NAA16: variants seen among roughly 807,000 people sequenced by gnomAD.
NAA16 encodes the protein N-alpha-acetyltransferase 16, NatA auxiliary subunit.
Under a neutral mutation model 110.3 loss-of-function variants are expected in NAA16, and 97 were observed. That is an observed-to-expected ratio of 0.88 (90% CI 0.75 to 1.04). The LOEUF is 1.04. Among genes scored for constraint, NAA16 ranks in the 50% least tolerant of loss-of-function variants. The pLI, the probability that NAA16 is intolerant of heterozygous loss-of-function variation, is 0.00. For missense variants in NAA16, 1,017 were observed against 1,005.1 expected, an observed-to-expected ratio of 1.01 and a Z score of -0.16; for synonymous variants, 372 against 330.6, an observed-to-expected ratio of 1.13 and a Z score of -1.36.
In NAA16 at chr13:41,372,331, C is replaced by T. The variant is rs368632453; in HGVS notation, c.2056+20C>T. The T allele has an allele frequency of 1.7e-5, 26 of 1,553,694 alleles. No individual in the cohort carries two copies. The highest frequency in any genetic ancestry group is 2.3e-5 in the Non-Finnish European group (26 of 1,153,572). The stretch of plus-strand genomic sequence containing the variant: ...GAAAAGGTAATAAATAGTTTGAGTT[C>T]AGTTTTTAATCTTTAATTATATTTG... On this transcript the variant is annotated intron_variant, in intron 16 of 19. Transcript: ENST00000379406.
intron 7 of NAA16, among the ~76,000 whole-genome samples, chr13:41,330,445 A>G (rs916400563): frequency 1.2e-4 from 18 of 152,056 alleles, no homozygotes; most frequent in African/African-American, 4.3e-4. Context: ...TGTGGTTTAG[A>G]CCACAGAATT....
intron 5 of NAA16, among the ~76,000 whole-genome samples, chr13:41,324,549 T>G (rs1784704502): frequency 6.6e-6 from 1 of 151,762 alleles, no homozygotes; most frequent in South Asian, 2.1e-4. Context: ...CTAAGTTTTG[T>G]ATTTTTAGTA....
At chr13:41,339,100 C>T (rs1429946040) in intron 9 of NAA16, among the ~76,000 whole-genome samples, 1 of 141,188 alleles carries the variant, frequency 7.1e-6, no homozygotes, top group Admixed American at 7.3e-5. Flanking sequence ...AGTACAGTTG[C>T]AAGAAATGTA....
chr13:41,354,179 T>G (rs1395484234), intron 9 of NAA16, among the ~76,000 whole-genome samples: 1 of 152,222 alleles, frequency 6.6e-6, no homozygotes. Context: ...TGCAGCATCA[T>G]GTGAGAAAGC....
intron 15 of NAA16, 78 bp downstream of exon 15, chr13:41,369,361 A>G (rs2043271439): frequency 2.4e-6 from 3 of 1,262,518 alleles, no homozygotes; most frequent in Non-Finnish European, 3.2e-6. Flanking sequence ...AACATGATTT[A>G]TTTAAATCTG....
chr13:41,361,117 C>G (rs916871157), intron 12 of NAA16, among the ~76,000 whole-genome samples: 5 of 152,228 alleles, frequency 3.3e-5, no homozygotes, highest in African/African-American at 1.2e-4. Context: ...AATGTCTCTT[C>G]TAAACTGTGA....
At chr13:41,317,499 A>G (rs981537874) in intron 2 of NAA16, among the ~76,000 whole-genome samples, 5 of 152,232 alleles carry the variant, frequency 3.3e-5, no homozygotes, top group Admixed American at 6.5e-5. Flanking sequence ...GGATCAGGAT[A>G]GACATGAAAA....
At chr13:41,335,859 GT>G (rs66771949) in intron 8 of NAA16, among the ~76,000 whole-genome samples, 124,770 of 146,516 alleles carry the variant, frequency 0.85, 53,316 homozygotes, top group African/African-American at 0.93. Context: ...ACATACATGT[GT>G]TTTTTTTTTT....
chr13:41,375,864 T>C lies in NAA16; in HGVS notation c.*262T>C. 1 of 302,922 alleles carries C rather than the reference T, an allele frequency of 3.3e-6. No homozygotes were observed. The highest frequency in any genetic ancestry group is 6.0e-6 in the Non-Finnish European group (1 of 165,856). The allele number at this position is 302,922 out of a possible 1,614,324, so 18.8% of individuals were successfully genotyped here. A position where few individuals can be genotyped will look rare whatever the true frequency, so the allele number is the denominator to read the frequency against. On this transcript the variant is annotated 3_prime_UTR_variant, in exon 20 of 20. Coordinates refer to ENST00000379406, the MANE Select transcript of NAA16 (RefSeq NM_024561.5). ...TATAATTTCTTACTAAGCTAAGTTGTATACAACCCCACTGTATTATTTTCT... is the reference window on the plus strand; with the variant it reads ...TATAATTTCTTACTAAGCTAAGTTGCATACAACCCCACTGTATTATTTTCT...
chr13:41,370,930 A>C (rs181684042), intron 15 of NAA16, among the ~76,000 whole-genome samples: 1 of 152,226 alleles, frequency 6.6e-6, no homozygotes, highest in East Asian at 1.9e-4. Context: ...GTTAACAGAA[A>C]AAGCCTTGAA....
intron 9 of NAA16, among the ~76,000 whole-genome samples, chr13:41,337,637 T>C (rs2042417312): frequency 6.6e-6 from 1 of 152,146 alleles, no homozygotes; most frequent in African/African-American, 2.4e-5. Context: ...GTTATACTTT[T>C]ATTTCCAAGT....
At chr13:41,357,104 T>C (rs1487993951) in intron 10 of NAA16, among the ~76,000 whole-genome samples, 2 of 152,192 alleles carry the variant, frequency 1.3e-5, no homozygotes, top group East Asian at 1.9e-4. Flanking sequence ...AAAGATCTCT[T>C]GAAGCCAGGA....
At chr13:41,362,908 G>A in intron 13 of NAA16, 1 of 1,144,054 alleles carries the variant, frequency 8.7e-7, no homozygotes, top group African/African-American at 1.6e-5. Context: ...CAGTCACTTT[G>A]GCCTTTTTCC....
intron 17 of NAA16, 78 bp from the exon 18 acceptor site, chr13:41,373,559 T>A (rs2043365245): frequency 1.4e-6 from 2 of 1,453,672 alleles, no homozygotes; most frequent in East Asian, 5.1e-5. Flanking sequence ...CGCCCAGCCA[T>A]AAAGGGTTTT....
chr13:41,311,275 C>T lies in NAA16; in HGVS notation c.-254C>T, dbSNP rs1165562241. On this transcript the variant is annotated 5_prime_UTR_variant, in exon 1 of 20. Coordinates refer to ENST00000379406, the MANE Select transcript of NAA16 (RefSeq NM_024561.5). ...ACCCTGGCTGCCATCTTGCAGTGCG[C>T]GGGAACCGCCGCCGCCGCCGCTGGC... The T allele has an allele frequency of 5.4e-6, 3 of 553,262 alleles. No individual in the cohort carries two copies. Among genetic ancestry groups the T allele is most frequent in the Non-Finnish European group, 9.5e-6 (3 of 316,626 alleles). The allele number at this position is 553,262 out of a possible 1,614,324, so 34.3% of individuals were successfully genotyped here.
At chr13:41,365,113 A>G (rs566429068) in intron 13 of NAA16, among the ~76,000 whole-genome samples, 1 of 152,268 alleles carries the variant, frequency 6.6e-6, no homozygotes, top group East Asian at 1.9e-4. Flanking sequence ...GATTTTTGTC[A>G]TGCTCTTCAT....
intron 9 of NAA16, among the ~76,000 whole-genome samples, chr13:41,348,985 T>C (rs1593483153): frequency 6.6e-6 from 1 of 152,092 alleles, no homozygotes; most frequent in East Asian, 1.9e-4. Flanking sequence ...CCTCTTACTG[T>C]TTTTGGTTTT....
intron 9 of NAA16, among the ~76,000 whole-genome samples, chr13:41,354,941 T>C (rs2042943802): frequency 7.7e-6 from 1 of 129,232 alleles, no homozygotes; most frequent in African/African-American, 3.0e-5. Flanking sequence ...GCAATGTCCA[T>C]TATTTTGTGT....
intron 15 of NAA16, among the ~76,000 whole-genome samples, chr13:41,371,762 C>A (rs554444831): frequency 1.1e-4 from 16 of 152,250 alleles, no homozygotes; most frequent in African/African-American, 3.4e-4. Context: ...TTTTCAACTG[C>A]ACTGGGGGTG....
Sources: allele counts gnomAD v4.1 joint callset (sites outside exome capture counted in the v4.1 genomes callset), GRCh38; gene constraint gnomAD v4.1.1; transcripts MANE v1.5; gene names NCBI Gene and HGNC (gene_info 2026-07-23, HGNC 2026-07-21).